The following PDE10A variants were observed in gnomAD, a reference collection of about 807,000 sequenced individuals.
The protein encoded by PDE10A is phosphodiesterase 10A, also known as cAMP and cAMP-inhibited cGMP 3',5'-cyclic phosphodiesterase 10A.
In PDE10A, 39 loss-of-function variants were observed where a neutral mutation model predicts 97.7. That is an observed-to-expected ratio of 0.40 (90% CI 0.31 to 0.52). PDE10A has a LOEUF of 0.52. Among genes scored for constraint, PDE10A ranks in the 20% least tolerant of loss-of-function variants. The pLI is 0.56. For missense variants in PDE10A, 731 were observed against 1,047.8 expected, an observed-to-expected ratio of 0.70 and a Z score of 4.17; for synonymous variants, 371 against 376.8, an observed-to-expected ratio of 0.98 and a Z score of 0.18.
intron 1 of PDE10A, among the ~76,000 whole-genome samples, chr6:165,704,262 G>T (rs1408183967): frequency 6.6e-6 from 1 of 152,144 alleles, no homozygotes; most frequent in South Asian, 2.1e-4. Flanking sequence ...ATCTGCTGGT[G>T]CTCCTTCAAA....
intron 1 of PDE10A, among the ~76,000 whole-genome samples, chr6:165,863,615 T>C (rs76521564): frequency 4.6e-5 from 7 of 152,248 alleles, no homozygotes; most frequent in Non-Finnish European, 1.0e-4. Flanking sequence ...TCCTTGGCGC[T>C]AATTTTTAAA....
chr6:165,628,514 C>A (rs1369139886), intron 1 of PDE10A, among the ~76,000 whole-genome samples: 2 of 152,016 alleles, frequency 1.3e-5, no homozygotes, highest in African/African-American at 4.8e-5. Flanking sequence ...CCACCACACC[C>A]GGCAATTATT....
chr6:165,723,441 G>A (rs929481873), intron 1 of PDE10A, among the ~76,000 whole-genome samples: 7 of 152,064 alleles, frequency 4.6e-5, no homozygotes, highest in Non-Finnish European at 8.8e-5. Flanking sequence ...AAAATAGTGC[G>A]GTTTCCTTGT....
In PDE10A at chr6:165,414,476, T is replaced by C. The variant is rs112555143; in HGVS notation, c.1890-789A>G. On this transcript the variant is annotated intron_variant, in intron 12 of 21. Coordinates refer to ENST00000539869, the MANE Select transcript of PDE10A (RefSeq NM_001385079.1). ...CATAAAGGTTTTTGAGATTCATCCA[T>C]GTTGTTGCATGTCTTAGTGGTTAAG... Among the ~76,000 whole-genome samples the C allele has an allele frequency of 9.6e-3, 1,459 of 152,334 alleles. 51 individuals are homozygous for C. The highest frequency in any genetic ancestry group is 0.091 in the South Asian group (441 of 4,828).
intron 1 of PDE10A, among the ~76,000 whole-genome samples, chr6:165,786,343 G>T (rs984774638): frequency 2.0e-5 from 3 of 152,172 alleles, no homozygotes; most frequent in African/African-American, 7.2e-5. Flanking sequence ...CCCACTAAGC[G>T]CTGTATGAAA....
At chr6:165,923,902 G>A (rs1016328671) in intron 1 of PDE10A, among the ~76,000 whole-genome samples, 1 of 152,144 alleles carries the variant, frequency 6.6e-6, no homozygotes, top group Non-Finnish European at 1.5e-5. Flanking sequence ...GCTTTAGAAA[G>A]AATAAGACCA....
chr6:165,875,264 CA>C (rs1043947996), intron 1 of PDE10A, among the ~76,000 whole-genome samples: 1 of 152,018 alleles, frequency 6.6e-6, no homozygotes, highest in African/African-American at 2.4e-5. Context: ...TCATTGTTGG[CA>C]AAAATGGACC....
Position 165,449,478 on chromosome 6 carries a change from T to C in PDE10A, c.1145-501A>G, listed in dbSNP as rs563481716. ...CAACTATAATAGTTAATAGCATAAG[T>C]CTTGGAGGGACTGCCTCAATTAAAC... On this transcript the variant is annotated intron_variant, in intron 4 of 21. Transcript: ENST00000539869. 3.1e-4 allele frequency among the ~76,000 whole-genome samples: 47 copies of C among 152,242 alleles called. 1 individual carries two copies. The highest frequency in any genetic ancestry group is 1.1e-3 in the African/African-American group (45 of 41,552).
intron 1 of PDE10A, among the ~76,000 whole-genome samples, chr6:165,765,974 T>C (rs1357713759): frequency 6.6e-6 from 1 of 152,158 alleles, no homozygotes; most frequent in African/African-American, 2.4e-5. Flanking sequence ...GTGCTTTATT[T>C]CCCCCCTAAA....
chr6:165,859,626 G>A (rs1780844437), intron 1 of PDE10A, among the ~76,000 whole-genome samples: 1 of 152,248 alleles, frequency 6.6e-6, no homozygotes, highest in Non-Finnish European at 1.5e-5. Context: ...CTACCTGGAA[G>A]CTCTCCAAAT....
intron 1 of PDE10A, chr6:165,939,764 T>A (rs1783450269): frequency 6.6e-6 from 1 of 152,242 alleles, no homozygotes; most frequent in Non-Finnish European, 1.5e-5. Context: ...GCAGTCACTT[T>A]TTTAAGCTTA....
Position 165,418,308 on chromosome 6 carries a change from C to T in PDE10A, c.1796+327G>A, listed in dbSNP as rs1788464934. Among the ~76,000 whole-genome samples, 1 of 152,208 alleles carries T rather than the reference C, an allele frequency of 6.6e-6. No individual in the cohort carries two copies. The highest frequency in any genetic ancestry group is 2.4e-5 in the African/African-American group (1 of 41,454). On this transcript the variant is annotated intron_variant, in intron 11 of 21. Transcript: ENST00000539869. The surrounding 1 kb of genome is among the most constrained non-coding windows in gnomAD (Gnocchi z 4.8). ...GCATAAGCACACCTTTTCTCTTGGA[C>T]ATGGGAAAACCTGCAGATTCCAGGT...
chr6:165,384,856 C>T (rs887524925), intron 17 of PDE10A, among the ~76,000 whole-genome samples: 3 of 152,140 alleles, frequency 2.0e-5, no homozygotes, highest in Non-Finnish European at 2.9e-5. Flanking sequence ...ACATATGCAA[C>T]ACACACCTGT....
In PDE10A at chr6:165,711,475, G is replaced by A. The variant is rs926652050; in HGVS notation, c.-614-167907C>T. The stretch of plus-strand genomic sequence containing the variant: ...TCTGGTCTTGTCTGGTGGACTCTGC[G>A]AGTTAGCTGTCTGGAGAGGGCCTTA... On this transcript the variant is annotated intron_variant, in intron 1 of 19. Transcript: ENST00000366882. The surrounding 1 kb of genome is among the most constrained non-coding windows in gnomAD (Gnocchi z 4.5). Among the ~76,000 whole-genome samples the A allele has an allele frequency of 6.6e-6, 1 of 152,164 alleles. No individual in the cohort carries two copies. Among genetic ancestry groups the A allele is most frequent in the Non-Finnish European group, 1.5e-5 (1 of 68,024 alleles).
intron 1 of PDE10A, among the ~76,000 whole-genome samples, chr6:165,837,993 A>C (rs1780114932): frequency 6.6e-6 from 1 of 152,098 alleles, no homozygotes; most frequent in Non-Finnish European, 1.5e-5. Flanking sequence ...TCCTGTTTTT[A>C]AAAGCAGTGC....
In PDE10A at chr6:165,606,808, C is replaced by G. The variant is rs138136767; in HGVS notation, c.865+55139G>C. Among the ~76,000 whole-genome samples, 215 of 152,064 alleles carry G rather than the reference C, an allele frequency of 1.4e-3. 1 individual carries two copies. The highest frequency in any genetic ancestry group is 4.9e-3 in the African/African-American group (204 of 41,488). The stretch of plus-strand genomic sequence containing the variant: ...CTTGGTGTGACTGGACCATGGAGTG[C>G]GTGCAGTGCGTGCAGGGGCTTAGGT... On this transcript the variant is annotated intron_variant, in intron 1 of 21. Coordinates refer to ENST00000539869, the MANE Select transcript of PDE10A (RefSeq NM_001385079.1).
chr6:165,661,820 C>T lies in PDE10A; in HGVS notation c.865+127G>A, dbSNP rs1168914053. The T allele has an allele frequency of 7.2e-6, 4 of 552,642 alleles. No homozygotes were observed. The highest frequency in any genetic ancestry group is 4.1e-5 in the African/African-American group (2 of 49,298). The allele number at this position is 552,642 out of a possible 1,614,324, so 34.2% of individuals were successfully genotyped here. On this transcript the variant is annotated intron_variant, in intron 1 of 21. Coordinates refer to ENST00000539869, the MANE Select transcript of PDE10A (RefSeq NM_001385079.1). This position sits in a 1 kb window ranked among gnomAD's most constrained non-coding sequence, Gnocchi z 4.8. ...TGCCCCTCCAGAGAAGCCCCCTGGG[C>T]GCTCCACGCCCGGGCACGGGCACCT...
intron 1 of PDE10A, among the ~76,000 whole-genome samples, chr6:165,616,281 T>C (rs545565315): frequency 6.6e-6 from 1 of 152,256 alleles, no homozygotes; most frequent in South Asian, 2.1e-4. Flanking sequence ...AAGAGGTCCC[T>C]GTGTGAGAAA....
chr6:165,881,392 C>CTTTTTTTTTTTTTTTTTT (rs68159417), intron 1 of PDE10A, among the ~76,000 whole-genome samples: 3 of 107,024 alleles, frequency 2.8e-5, no homozygotes, highest in Admixed American at 1.0e-4. Flanking sequence ...TTTTTCTTTT[C>CTTTTTTTTTTTTTTTTTT]TTTTTTTTTT....
Sources: gnomAD v4.1 joint callset for allele counts (sites outside exome capture counted in the v4.1 genomes callset) on GRCh38, gnomAD v4.1.1 for gene constraint, Gnocchi (gnomAD v3.1) non-coding constraint, MANE v1.5 for transcripts, NCBI Gene and HGNC (gene_info 2026-07-23, HGNC 2026-07-21) for gene names.